Variants in JAZF1 observed in about 807,000 individuals in gnomAD.
JAZF1 encodes JAZF zinc finger 1, also known as juxtaposed with another zinc finger protein 1.
In JAZF1, 8 loss-of-function variants were observed where a neutral mutation model predicts 26.4. The observed-to-expected ratio is 0.30, with a 90% confidence interval of 0.18 to 0.55. The LOEUF (loss-of-function observed/expected upper bound fraction) is 0.55. Among genes scored for constraint, JAZF1 ranks in the 20% least tolerant of loss-of-function variants. The pLI is 0.94. For synonymous variants in JAZF1, 126 were observed against 122.3 expected, an observed-to-expected ratio of 1.03 and a Z score of -0.20; for missense variants, 199 against 322.0, an observed-to-expected ratio of 0.62 and a Z score of 2.92.
chr7:28,110,564 A>AG lies in JAZF1; in HGVS notation c.115+69898dup, dbSNP rs1258952103. Among the ~76,000 whole-genome samples the AG allele has an allele frequency of 7.4e-4, 91 of 123,656 alleles. 4 individuals carry two copies. Among genetic ancestry groups the AG allele is most frequent in the Admixed American group, 1.1e-3 (12 of 10,982 alleles). 81.1% of individuals were successfully genotyped at this position (123,656 alleles called of 152,430 possible). ...AAAGGAAAAGGAAAAGGAAAGGGAA[A>AG]GGAAAAGGGAAAGGGAAAAGGAAAA... On this transcript the variant is annotated intron_variant, in intron 1 of 4. Transcript: ENST00000283928.
intron 2 of JAZF1, among the ~76,000 whole-genome samples, chr7:27,925,356 T>C (rs1312918851): frequency 2.0e-5 from 3 of 152,222 alleles, no homozygotes; most frequent in Non-Finnish European, 2.9e-5. Flanking sequence ...TTTTGAGCAA[T>C]GGTAGAGTCA....
chr7:27,843,231 G>A (rs556909201), intron 3 of JAZF1: 13 of 152,326 alleles, frequency 8.5e-5, no homozygotes, highest in African/African-American at 2.2e-4. Context: ...CCTCGGTTGC[G>A]ACAAGATGGA....
At chr7:28,041,146 C>G (rs182390635) in intron 1 of JAZF1, among the ~76,000 whole-genome samples, 40 of 152,176 alleles carry the variant, frequency 2.6e-4, no homozygotes, top group Admixed American at 2.4e-3. Context: ...AACGTAAGAG[C>G]AAAAGGCTTT....
At chr7:27,875,801 C>G (rs1351565015) in intron 3 of JAZF1, among the ~76,000 whole-genome samples, 4 of 152,204 alleles carry the variant, frequency 2.6e-5, no homozygotes, top group African/African-American at 9.7e-5. Flanking sequence ...AGTAAGCACT[C>G]AGATGTTTGT....
At chr7:28,170,540 T>C (rs1783446371) in intron 1 of JAZF1, among the ~76,000 whole-genome samples, 2 of 152,152 alleles carry the variant, frequency 1.3e-5, no homozygotes, top group East Asian at 3.9e-4. Flanking sequence ...AACTGCCAAA[T>C]TATTGTTTTC....
intron 4 of JAZF1, among the ~76,000 whole-genome samples, chr7:27,838,132 T>C (rs544772451): frequency 1.3e-5 from 2 of 152,244 alleles, no homozygotes; most frequent in Admixed American, 6.5e-5. Context: ...GTATAAGCTA[T>C]GAGAACTGCC....
chr7:27,875,048 A>G (rs1436128779), intron 3 of JAZF1, among the ~76,000 whole-genome samples: 1 of 152,168 alleles, frequency 6.6e-6, no homozygotes, highest in African/African-American at 2.4e-5. Flanking sequence ...CTATTGAAAT[A>G]CCATATATTG....
chr7:27,879,913 T>C (rs1406762174), intron 3 of JAZF1, among the ~76,000 whole-genome samples: 1 of 152,136 alleles, frequency 6.6e-6, no homozygotes, highest in Non-Finnish European at 1.5e-5. Context: ...AGAGGCAAAA[T>C]GTACTGAGAA....
At chr7:27,920,449 C>T (rs1214523010) in intron 2 of JAZF1, among the ~76,000 whole-genome samples, 1 of 152,144 alleles carries the variant, frequency 6.6e-6, no homozygotes, top group Non-Finnish European at 1.5e-5. Flanking sequence ...ACTGTGTAAG[C>T]AGGTTGGCTT....
chr7:27,958,991 G>A (rs545918587), intron 2 of JAZF1, among the ~76,000 whole-genome samples: 7 of 152,280 alleles, frequency 4.6e-5, no homozygotes, highest in Admixed American at 3.9e-4. Flanking sequence ...TGGCAGTGGT[G>A]GTGGCAGAAC....
intron 1 of JAZF1, among the ~76,000 whole-genome samples, chr7:28,170,297 G>A (rs1376553768): frequency 6.6e-6 from 1 of 150,602 alleles, no homozygotes; most frequent in Non-Finnish European, 1.5e-5. Flanking sequence ...ATAATTACAT[G>A]ATTTTAATTT....
intron 2 of JAZF1, among the ~76,000 whole-genome samples, chr7:27,901,342 C>T (rs563282262): frequency 6.6e-6 from 1 of 152,190 alleles, no homozygotes; most frequent in Non-Finnish European, 1.5e-5. Flanking sequence ...AATCCTCAGA[C>T]CACAATGTTC....
At chr7:27,988,845 T>C (rs1235824121) in intron 2 of JAZF1, among the ~76,000 whole-genome samples, 1 of 147,814 alleles carries the variant, frequency 6.8e-6, no homozygotes, top group Non-Finnish European at 1.5e-5. Context: ...AACAGAAAAA[T>C]GTCAGTAGTT....
intron 1 of JAZF1, among the ~76,000 whole-genome samples, chr7:28,050,469 G>C: frequency 6.6e-6 from 1 of 151,792 alleles, no homozygotes; most frequent in Non-Finnish European, 1.5e-5. Flanking sequence ...ACTTTAATAG[G>C]GTCTATTTTA....
At chr7:28,125,918 C>T (rs1782685318) in intron 1 of JAZF1, among the ~76,000 whole-genome samples, 1 of 152,170 alleles carries the variant, frequency 6.6e-6, no homozygotes, top group Admixed American at 6.5e-5. Context: ...GCCTTGCCAA[C>T]CCAAGACCAA....
intron 4 of JAZF1, among the ~76,000 whole-genome samples, chr7:27,835,700 A>C (rs909101097): frequency 1.3e-5 from 2 of 152,202 alleles, no homozygotes; most frequent in African/African-American, 2.4e-5. Context: ...CATTTCCTCC[A>C]TCCAGCCATT....
At chr7:28,031,483 G>A (rs35053797) in intron 1 of JAZF1, among the ~76,000 whole-genome samples, 82,136 of 152,016 alleles carry the variant, frequency 0.54, 23,910 homozygotes, top group Non-Finnish European at 0.66. Context: ...GAAGCAGAGA[G>A]CAGGAGGAAT....
intron 2 of JAZF1, among the ~76,000 whole-genome samples, chr7:27,916,820 CT>C (rs1426077246): frequency 6.6e-6 from 1 of 152,252 alleles, no homozygotes; most frequent in Non-Finnish European, 1.5e-5. Context: ...CACTGGTCAA[CT>C]CAAAAATCCC....
chr7:28,081,047 T>C (rs747785758), intron 1 of JAZF1, among the ~76,000 whole-genome samples: 2 of 151,516 alleles, frequency 1.3e-5, no homozygotes, highest in Non-Finnish European at 2.9e-5. Flanking sequence ...AGTAAGCTGG[T>C]AAATTAGAGG....
Sources: gnomAD v4.1 joint callset for allele counts (sites outside exome capture counted in the v4.1 genomes callset) on GRCh38, gnomAD v4.1.1 for gene constraint, MANE v1.5 for transcripts, NCBI Gene and HGNC (gene_info 2026-07-23, HGNC 2026-07-21) for gene names.